Variants in HS2ST1 observed in about 807,000 individuals in gnomAD.
HS2ST1 encodes the protein 2-O-sulfotransferase.
In HS2ST1, 18 loss-of-function variants were observed where a neutral mutation model predicts 42.9. The observed-to-expected ratio is 0.42, with a 90% CI of 0.29 to 0.62. The LOEUF (loss-of-function observed/expected upper bound fraction) is 0.62. Ranked by LOEUF, HS2ST1 falls within the 20% of genes least tolerant of loss-of-function variation. The pLI, the probability that HS2ST1 is intolerant of heterozygous loss-of-function variation, is 0.21. For missense variants in HS2ST1, 334 were observed against 433.8 expected (o/e 0.77, Z 2.04); for synonymous variants, 146 against 152.9 (o/e 0.95, Z 0.33).
At chr1:86,964,599 C>T (rs1362074828) in intron 1 of HS2ST1, among the ~76,000 whole-genome samples, 2 of 152,234 alleles carry the variant, frequency 1.3e-5, no homozygotes, top group African/African-American at 2.4e-5. Flanking sequence ...TACAGTCCAG[C>T]TTCGGCTCGG....
intron 1 of HS2ST1, among the ~76,000 whole-genome samples, chr1:86,917,016 T>C (rs1557478401): frequency 6.6e-6 from 1 of 152,124 alleles, no homozygotes; most frequent in Admixed American, 6.6e-5. Flanking sequence ...ACAGTTAAAA[T>C]ATAAAGTGCT....
Position 87,092,596 on chromosome 1 carries a change from C to A in HS2ST1, c.515C>A (p.Ser172Tyr). 6.3e-7 allele frequency: 1 copy of A among 1,590,230 alleles called. No individual in the cohort carries two copies. The highest frequency in any genetic ancestry group is 8.6e-7 in the Non-Finnish European group (1 of 1,167,956). ...VIRDPIERLVSYYYFLRFGDD... is the reference protein window; with the variant it reads ...VIRDPIERLVYYYYFLRFGDD... Reference sequence around the variant, plus strand: ...AGGGATCCTATTGAGAGGCTAGTTTCTTATTATTACTTTCTGAGATTTGGA... The same window carrying A: ...AGGGATCCTATTGAGAGGCTAGTTTATTATTATTACTTTCTGAGATTTGGA... The change falls in exon 4 of 7, where the codon TCT (serine) becomes TAT (tyrosine). Residue 172 changes from serine (S) to tyrosine (Y), a missense_variant. Physicochemically the swap from Ser to Tyr is moderately radical, Grantham distance 144. Transcript: ENST00000370550.
chr1:86,992,349 T>C (rs1020685214), intron 1 of HS2ST1, among the ~76,000 whole-genome samples: 4 of 151,466 alleles, frequency 2.6e-5, no homozygotes, highest in African/African-American at 7.3e-5. Flanking sequence ...TGTAACACTT[T>C]AATTTTCTCT....
chr1:86,998,310 C>T (rs547718162), intron 1 of HS2ST1, among the ~76,000 whole-genome samples: 2 of 152,318 alleles, frequency 1.3e-5, no homozygotes, highest in South Asian at 2.1e-4. Flanking sequence ...ATACAGCATT[C>T]AGGAGCTTGT....
At chr1:87,012,458 A>G (rs944957786) in intron 1 of HS2ST1, among the ~76,000 whole-genome samples, 1 of 152,198 alleles carries the variant, frequency 6.6e-6, no homozygotes, top group African/African-American at 2.4e-5. Context: ...CTTATACACT[A>G]TCATGAGAAC....
chr1:86,934,321 GA>G (rs2102167948), intron 1 of HS2ST1: 1 of 152,340 alleles, frequency 6.6e-6, no homozygotes, highest in East Asian at 1.9e-4. Context: ...TTGGAAGCTA[GA>G]GGGAATTTTT....
In HS2ST1 at chr1:87,084,175, A is replaced by G. The variant is rs2798675; in HGVS notation, c.364-19A>G. ...ATTTTCTTTAAATTGTATATAATGA[A>G]TGTGTTCTCCCTTTTTAGGTGCGCT... is the stretch of plus-strand genomic sequence containing the variant. On this transcript the variant is annotated intron_variant, in intron 2 of 6. Coordinates refer to ENST00000370550, the MANE Select transcript of HS2ST1 (RefSeq NM_012262.4). 1,349,457 of 1,441,548 alleles carry G rather than the reference A, an allele frequency of 0.94. 632,089 individuals carry two copies. Among genetic ancestry groups the G allele is most frequent in the East Asian group, 0.99 (42,906 of 43,336 alleles). 89.3% of individuals were successfully genotyped at this position (1,441,548 alleles called of 1,614,324 possible). A position where few individuals can be genotyped will look rare whatever the true frequency, so the allele number is the denominator to read the frequency against.
At chr1:87,078,147 G>T (rs1430126789) in intron 2 of HS2ST1, among the ~76,000 whole-genome samples, 1 of 152,190 alleles carries the variant, frequency 6.6e-6, no homozygotes, top group Non-Finnish European at 1.5e-5. Context: ...TAATTACAGA[G>T]TTGGAATTTG....
At chr1:86,916,610 G>T (rs1003051651) in intron 1 of HS2ST1, among the ~76,000 whole-genome samples, 1 of 152,098 alleles carries the variant, frequency 6.6e-6, no homozygotes, top group East Asian at 1.9e-4. Flanking sequence ...GTTTATTTAC[G>T]AATTCCTTTA....
intron 1 of HS2ST1, among the ~76,000 whole-genome samples, chr1:87,071,063 A>C (rs1651391383): frequency 6.6e-6 from 1 of 152,232 alleles, no homozygotes; most frequent in Admixed American, 6.5e-5. Flanking sequence ...CCAGAATAAA[A>C]GAGTATGTAT....
At chr1:87,018,180 A>G (rs956326946) in intron 1 of HS2ST1, among the ~76,000 whole-genome samples, 4 of 151,926 alleles carry the variant, frequency 2.6e-5, no homozygotes, top group Non-Finnish European at 2.9e-5. Flanking sequence ...ACACACACAC[A>G]AAGAAAAAAC....
chr1:86,919,091 C>T (rs1015052156), intron 1 of HS2ST1, among the ~76,000 whole-genome samples: 3 of 151,850 alleles, frequency 2.0e-5, no homozygotes, highest in Non-Finnish European at 2.9e-5. Context: ...ATTGCAGGTA[C>T]GTGCCACCAC....
chr1:86,955,963 T>A (rs1647665638), intron 1 of HS2ST1, among the ~76,000 whole-genome samples: 1 of 152,208 alleles, frequency 6.6e-6, no homozygotes, highest in East Asian at 1.9e-4. Context: ...TACTCCAGCC[T>A]GGGTTGCAGA....
chr1:87,013,177 C>T (rs1398962154), intron 1 of HS2ST1, among the ~76,000 whole-genome samples: 1 of 152,236 alleles, frequency 6.6e-6, no homozygotes, highest in Non-Finnish European at 1.5e-5. Flanking sequence ...TCCCACAGAG[C>T]ATTTCCCTTC....
At chr1:87,069,864 A>G (rs918045513) in intron 1 of HS2ST1, among the ~76,000 whole-genome samples, 12 of 152,218 alleles carry the variant, frequency 7.9e-5, no homozygotes, top group African/African-American at 2.9e-4. Context: ...TTTTAAAAAC[A>G]TATTTGTTTC....
In HS2ST1 at chr1:87,047,125, G is replaced by A. The variant is rs536347330; in HGVS notation, c.125-25809G>A. Among the ~76,000 whole-genome samples the A allele has an allele frequency of 2.6e-5, 4 of 152,256 alleles. No homozygotes were observed. The South Asian group carries it at 8.3e-4, about 32-fold the overall frequency. On this transcript the variant is annotated intron_variant, in intron 1 of 6. Coordinates refer to ENST00000370550, the MANE Select transcript of HS2ST1 (RefSeq NM_012262.4). ...TACTCCACATTCTTGACAAGTCTCG[G>A]TATGACCGGTCTTCAGTTTTAGCCA...
chr1:86,932,430 A>G (rs1234274447), intron 1 of HS2ST1: 1 of 152,180 alleles, frequency 6.6e-6, no homozygotes, highest in Non-Finnish European at 1.5e-5. Flanking sequence ...TTCATGTAAT[A>G]TACCCTCTTA....
At chr1:86,999,404 C>T (rs757018103) in intron 1 of HS2ST1, among the ~76,000 whole-genome samples, 1 of 152,126 alleles carries the variant, frequency 6.6e-6, no homozygotes, top group African/African-American at 2.4e-5. Context: ...TCTCGAACTC[C>T]CGACTTCAGA....
At chr1:87,016,592 G>T (rs898622500) in intron 1 of HS2ST1, among the ~76,000 whole-genome samples, 9 of 152,048 alleles carry the variant, frequency 5.9e-5, no homozygotes, top group South Asian at 2.1e-4. Context: ...TGGGTTATAT[G>T]TAACTGGTAA....
Sources: allele counts gnomAD v4.1 joint callset (sites outside exome capture counted in the v4.1 genomes callset), GRCh38; gene constraint gnomAD v4.1.1; transcripts MANE v1.5; gene names NCBI Gene and HGNC (gene_info 2026-07-23, HGNC 2026-07-21).